The following HTR1F variants were observed in gnomAD, a reference collection of about 807,000 sequenced individuals.
HTR1F encodes the protein 5-hydroxytryptamine (serotonin) receptor 1F, G protein-coupled.
In HTR1F, 17 loss-of-function variants were observed where a neutral mutation model predicts 24.0. The observed-to-expected ratio is 0.71, with a 90% CI of 0.48 to 1.06. The LOEUF (loss-of-function observed/expected upper bound fraction) is 1.06. HTR1F is among the 50% of genes least tolerant of loss of function. HTR1F has a pLI of 0.00. For synonymous variants in HTR1F, 186 were observed against 156.8 expected (o/e 1.19, Z -1.39); for missense variants, 391 against 427.8 (o/e 0.91, Z 0.76).
intron 2 of HTR1F, among the ~76,000 whole-genome samples, chr3:87,978,890 GAGGAAGGAAGGAAGGA>G (rs1184108024): frequency 4.3e-5 from 2 of 46,134 alleles, no homozygotes; most frequent in African/African-American, 1.6e-4. Flanking sequence ...GGGAGGGAGG[GAGGAAGGAAGGAAGGA>G]AGGAAGGAAG....
intron 2 of HTR1F, among the ~76,000 whole-genome samples, chr3:87,830,693 C>T (rs1704556384): frequency 6.6e-6 from 1 of 152,000 alleles, no homozygotes; most frequent in Non-Finnish European, 1.5e-5. Flanking sequence ...TATTTTTACA[C>T]ACAGAAAAAT....
intron 2 of HTR1F, among the ~76,000 whole-genome samples, chr3:87,845,380 CAA>C (rs1704916916): frequency 6.6e-6 from 1 of 150,784 alleles, no homozygotes. Context: ...GCAACTTCAG[CAA>C]AGTCTCAGGA....
chr3:87,806,170 G>C (rs1388841748), intron 1 of HTR1F, among the ~76,000 whole-genome samples: 1 of 151,898 alleles, frequency 6.6e-6, no homozygotes, highest in Non-Finnish European at 1.5e-5. Context: ...TGAACACTTA[G>C]GTTGATTCCA....
At chr3:87,914,682 C>T (rs1703853334) in intron 2 of HTR1F, among the ~76,000 whole-genome samples, 1 of 151,972 alleles carries the variant, frequency 6.6e-6, no homozygotes, top group Non-Finnish European at 1.5e-5. Context: ...CACAGCAGCC[C>T]CAGCTAGACC....
At chr3:87,882,399 T>C (rs1440694417) in intron 2 of HTR1F, among the ~76,000 whole-genome samples, 2 of 151,954 alleles carry the variant, frequency 1.3e-5, no homozygotes, top group African/African-American at 2.4e-5. Flanking sequence ...TATAAAGACA[T>C]ATGCACACAT....
chr3:87,971,294 A>C (rs942897669), intron 2 of HTR1F, among the ~76,000 whole-genome samples: 1 of 152,150 alleles, frequency 6.6e-6, no homozygotes, highest in Non-Finnish European at 1.5e-5. Flanking sequence ...ATGGCCGGGC[A>C]TGGTGACTCA....
chr3:87,796,685 A>T (rs978086577), intron 1 of HTR1F, among the ~76,000 whole-genome samples: 1 of 152,188 alleles, frequency 6.6e-6, no homozygotes, highest in Non-Finnish European at 1.5e-5. Flanking sequence ...AGAAAAAAGG[A>T]AGTGCTGATC....
At chr3:87,876,489 C>T (rs1456659248) in intron 2 of HTR1F, among the ~76,000 whole-genome samples, 3 of 152,076 alleles carry the variant, frequency 2.0e-5, no homozygotes, top group Non-Finnish European at 4.4e-5. Context: ...ATCTTGAAGA[C>T]GTTATACTTC....
chr3:87,884,818 C>T (rs1705897532), intron 2 of HTR1F, among the ~76,000 whole-genome samples: 1 of 152,122 alleles, frequency 6.6e-6, no homozygotes, highest in South Asian at 2.1e-4. Context: ...TATATATGCA[C>T]CCAATACAGG....
intron 2 of HTR1F, among the ~76,000 whole-genome samples, chr3:87,953,545 G>C (rs1704880429): frequency 2.0e-5 from 3 of 149,884 alleles, no homozygotes; most frequent in South Asian, 2.1e-4. Flanking sequence ...AAAAATGCCA[G>C]CAAGGATGCA....
intron 2 of HTR1F, among the ~76,000 whole-genome samples, chr3:87,837,571 C>T (rs148406069): frequency 3.3e-5 from 5 of 152,164 alleles, no homozygotes; most frequent in African/African-American, 9.6e-5. Flanking sequence ...GGCACCATTA[C>T]TCAGAGAGAG....
chr3:87,843,529 T>A (rs1346611636), intron 2 of HTR1F, among the ~76,000 whole-genome samples: 10 of 150,552 alleles, frequency 6.6e-5, no homozygotes, highest in South Asian at 4.2e-4. Flanking sequence ...TTTTTTAATT[T>A]ATTTATTTTA....
intron 2 of HTR1F, among the ~76,000 whole-genome samples, chr3:87,836,732 A>G (rs2130354): frequency 0.16 from 24,183 of 152,026 alleles, 2,207 homozygotes; most frequent in African/African-American, 0.25. Flanking sequence ...TTTAAAATAT[A>G]TGTATCAACT....
chr3:87,847,125 A>G (rs973450630), intron 2 of HTR1F, among the ~76,000 whole-genome samples: 1 of 151,892 alleles, frequency 6.6e-6, no homozygotes, highest in Non-Finnish European at 1.5e-5. Context: ...AAAAATGTAC[A>G]GTTTCACTAA....
intron 2 of HTR1F, among the ~76,000 whole-genome samples, chr3:87,926,656 T>C (rs1254566333): frequency 6.6e-6 from 1 of 152,154 alleles, no homozygotes; most frequent in Non-Finnish European, 1.5e-5. Flanking sequence ...ATATAGTGTA[T>C]ACTGAAAGAT....
At chr3:87,914,745 G>A (rs114404813) in intron 2 of HTR1F, among the ~76,000 whole-genome samples, 314 of 151,946 alleles carry the variant, frequency 2.1e-3, no homozygotes, top group African/African-American at 7.3e-3. Context: ...CACCTGATGC[G>A]CCTTCCCTAC....
At chr3:87,937,994 A>G (rs1704469677) in intron 2 of HTR1F, among the ~76,000 whole-genome samples, 1 of 152,154 alleles carries the variant, frequency 6.6e-6, no homozygotes, top group Admixed American at 6.5e-5. Flanking sequence ...AGAGGAAGTC[A>G]AACTATCACT....
chr3:87,884,861 C>A (rs1376902679), intron 2 of HTR1F, among the ~76,000 whole-genome samples: 6 of 152,022 alleles, frequency 3.9e-5, no homozygotes, highest in Admixed American at 1.3e-4. Context: ...TCCTTAGAGA[C>A]CTACAAAAAG....
intron 2 of HTR1F, among the ~76,000 whole-genome samples, chr3:87,982,825 A>G (rs1160478839): frequency 6.6e-6 from 1 of 152,190 alleles, no homozygotes; most frequent in Non-Finnish European, 1.5e-5. Flanking sequence ...TCCTGCCCTC[A>G]ACTCACCATT....
Sources: allele counts gnomAD v4.1 joint callset (sites outside exome capture counted in the v4.1 genomes callset), GRCh38; gene constraint gnomAD v4.1.1; transcripts MANE v1.5; gene names NCBI Gene and HGNC (gene_info 2026-07-23, HGNC 2026-07-21).